PDZRN4: variants seen among roughly 807,000 people sequenced by gnomAD.
PDZRN4 encodes the protein PDZ domain containing ring finger 4.
Under a neutral mutation model 99.0 loss-of-function variants are expected in PDZRN4, and 70 were observed. The observed-to-expected ratio is 0.71, with a 90% CI of 0.58 to 0.86. The LOEUF (loss-of-function observed/expected upper bound fraction) is 0.86. PDZRN4 is among the 40% of genes least tolerant of loss of function. PDZRN4 has a pLI of 0.00. For synonymous variants in PDZRN4, 551 were observed against 501.6 expected, an observed-to-expected ratio of 1.10 and a Z score of -1.32; for missense variants, 1,474 against 1,331.2, an observed-to-expected ratio of 1.11 and a Z score of -1.67.
intron 5 of PDZRN4, 118 bp from the exon 6 acceptor site, chr12:41,552,538 T>A: frequency 1.6e-6 from 1 of 640,000 alleles, no homozygotes; most frequent in East Asian, 2.9e-5. Flanking sequence ...TAATTTCCAA[T>A]GTTGGGCAAT....
intron 3 of PDZRN4, among the ~76,000 whole-genome samples, chr12:41,339,608 A>T (rs1951801334): frequency 7.1e-6 from 1 of 140,350 alleles, no homozygotes; most frequent in Non-Finnish European, 1.6e-5. Context: ...AAGCTTTTAT[A>T]CAGCAAAAGA....
At position 41,333,189 on chromosome 12, in the gene PDZRN4, T is replaced by C. The variant is rs1319521035; in HGVS notation, c.843+139001T>C. On this transcript the variant is annotated intron_variant, in intron 3 of 9. Coordinates refer to ENST00000402685, the MANE Select transcript of PDZRN4 (RefSeq NM_001164595.2). ...ATGTTCACTGAGTTTCAGATTGCTC[T>C]GGGACTATTTTGGTAGCAATGAGCT... is the stretch of plus-strand genomic sequence containing the variant. 2.6e-5 allele frequency among the ~76,000 whole-genome samples: 4 copies of C among 152,098 alleles called. No individual in the cohort carries two copies. The East Asian group carries it at 7.7e-4, about 29-fold the overall frequency.
intron 3 of PDZRN4, among the ~76,000 whole-genome samples, chr12:41,500,478 A>T (rs1439046226): frequency 6.6e-6 from 1 of 152,062 alleles, no homozygotes; most frequent in Non-Finnish European, 1.5e-5. Flanking sequence ...GACTAAATGG[A>T]CTTTGGGGTT....
chr12:41,499,311 A>T (rs1404258690), intron 3 of PDZRN4, among the ~76,000 whole-genome samples: 1 of 152,124 alleles, frequency 6.6e-6, no homozygotes, highest in Non-Finnish European at 1.5e-5. Context: ...AAGACATCCA[A>T]CTCATGTGCC....
At chr12:41,319,036 C>T (rs1320459739) in intron 3 of PDZRN4, among the ~76,000 whole-genome samples, 2 of 152,120 alleles carry the variant, frequency 1.3e-5, no homozygotes, top group Admixed American at 1.3e-4. Context: ...ATTACTTTCT[C>T]AGAACATCTG....
chr12:41,326,209 C>T (rs1360995539), intron 3 of PDZRN4, among the ~76,000 whole-genome samples: 2 of 151,662 alleles, frequency 1.3e-5, no homozygotes, highest in Non-Finnish European at 2.9e-5. Context: ...AATTTCTGGG[C>T]TCGAGCAATC....
intron 3 of PDZRN4, among the ~76,000 whole-genome samples, chr12:41,419,630 C>T (rs1592052616): frequency 6.6e-6 from 1 of 152,190 alleles, no homozygotes. Context: ...CCTTTCTCAC[C>T]ATGGGGGTTT....
At chr12:41,397,725 G>T (rs984894998) in intron 3 of PDZRN4, among the ~76,000 whole-genome samples, 1 of 152,102 alleles carries the variant, frequency 6.6e-6, no homozygotes, top group Non-Finnish European at 1.5e-5. Context: ...TCTAGTTAAT[G>T]GATGTTTTAA....
At chr12:41,479,533 T>C (rs1937640598) in intron 3 of PDZRN4, among the ~76,000 whole-genome samples, 1 of 152,230 alleles carries the variant, frequency 6.6e-6, no homozygotes, top group Non-Finnish European at 1.5e-5. Flanking sequence ...TAAATTGAAG[T>C]AGCAGTTCTC....
chr12:41,354,110 T>C (rs1951910614), intron 3 of PDZRN4, among the ~76,000 whole-genome samples: 2 of 151,996 alleles, frequency 1.3e-5, no homozygotes, highest in Admixed American at 1.3e-4. Flanking sequence ...ACAGGTTGAG[T>C]TTGAGTAGAC....
Position 41,353,667 on chromosome 12 carries a change from G to A in PDZRN4, c.844-152789G>A, listed in dbSNP as rs555472777. ...GCAAGCTGTGGCAGTGGTGGAGGCA[G>A]AAGTGTTCTCTCTAGAATGGCTCAG... On this transcript the variant is annotated intron_variant, in intron 3 of 9. Coordinates refer to ENST00000402685, the MANE Select transcript of PDZRN4 (RefSeq NM_001164595.2). Among the ~76,000 whole-genome samples, 13 of 152,154 alleles carry A rather than the reference G, an allele frequency of 8.5e-5. No homozygotes were observed. The South Asian group carries it at 2.1e-3, about 24-fold the overall frequency.
At chr12:41,243,890 C>A (rs560533132) in intron 3 of PDZRN4, among the ~76,000 whole-genome samples, 16 of 152,186 alleles carry the variant, frequency 1.1e-4, no homozygotes, top group Non-Finnish European at 2.2e-4. Flanking sequence ...ACTCAAACAT[C>A]ATTCATTTCC....
rs921843231 is a variant in PDZRN4 at position 41,188,537 on chromosome 12, C to G, written c.82C>G (p.Pro28Ala). ...CKLCGQVLEE[P>A]LCTPCGHVFC... ...ACTGTGCGGCCAGGTGCTTGAAGAG[C>G]CCCTGTGCACGCCGTGCGGGCACGT... The change falls in exon 1 of 10, where the codon CCC becomes GCC. Residue 28 changes from proline (P) to alanine (A), a missense_variant. Transcript: ENST00000402685. 3 of 1,574,978 alleles carry G rather than the reference C, an allele frequency of 1.9e-6. No homozygotes were observed. The highest frequency in any genetic ancestry group is 2.6e-6 in the Non-Finnish European group (3 of 1,168,720).
At chr12:41,251,848 G>T (rs1168559247) in intron 3 of PDZRN4, among the ~76,000 whole-genome samples, 1 of 152,140 alleles carries the variant, frequency 6.6e-6, no homozygotes, top group African/African-American at 2.4e-5. Flanking sequence ...AGGCATGGTG[G>T]CTCACGCCTG....
At chr12:41,418,322 A>G (rs953829535) in intron 3 of PDZRN4, among the ~76,000 whole-genome samples, 3 of 152,202 alleles carry the variant, frequency 2.0e-5, no homozygotes, top group African/African-American at 4.8e-5. Flanking sequence ...ATTGTTATCA[A>G]TTCTGCTGGT....
chr12:41,563,272 T>C (rs1217849199), intron 7 of PDZRN4, among the ~76,000 whole-genome samples: 3 of 152,108 alleles, frequency 2.0e-5, no homozygotes, highest in Admixed American at 6.6e-5. Context: ...CAGGAGCTGG[T>C]TAATTGTGTT....
chr12:41,487,849 C>T (rs1054773768), intron 3 of PDZRN4, among the ~76,000 whole-genome samples: 1 of 152,046 alleles, frequency 6.6e-6, no homozygotes, highest in Non-Finnish European at 1.5e-5. Context: ...GAGAATTTTC[C>T]CAAATTGGAG....
At chr12:41,534,303 G>C (rs1243019076) in intron 5 of PDZRN4, among the ~76,000 whole-genome samples, 1 of 149,788 alleles carries the variant, frequency 6.7e-6, no homozygotes, top group Non-Finnish European at 1.5e-5. Flanking sequence ...TTTATTTTAA[G>C]TTCCGGGGTA....
chr12:41,379,779 C>T (rs953916488), intron 3 of PDZRN4, among the ~76,000 whole-genome samples: 1 of 151,588 alleles, frequency 6.6e-6, no homozygotes, highest in African/African-American at 2.4e-5. Context: ...TATGATCTTT[C>T]CTATGGAATA....
Sources: gnomAD v4.1 joint callset for allele counts (sites outside exome capture counted in the v4.1 genomes callset) on GRCh38, gnomAD v4.1.1 for gene constraint, MANE v1.5 for transcripts, NCBI Gene and HGNC (gene_info 2026-07-23, HGNC 2026-07-21) for gene names.